Variants in METTL15 observed in about 807,000 individuals in gnomAD.
METTL15 encodes the protein methyltransferase 15, mitochondrial 12S rRNA N4-cytidine, also known as 12S rRNA N(4)-cytidine methyltransferase METTL15.
In METTL15, 34 loss-of-function variants were observed where a neutral mutation model predicts 38.3. That is an observed-to-expected ratio of 0.89 (90% CI 0.68 to 1.18). The LOEUF is 1.18. Ranked by LOEUF, METTL15 falls within the 50% of genes most tolerant of loss-of-function variation. The pLI is 0.00. For missense variants in METTL15, 438 were observed against 498.4 expected, an observed-to-expected ratio of 0.88 and a Z score of 1.15; for synonymous variants, 162 against 170.9, an observed-to-expected ratio of 0.95 and a Z score of 0.41.
chr11:28,397,682 G>C (rs889137490), intron 5 of METTL15, among the ~76,000 whole-genome samples: 2 of 152,142 alleles, frequency 1.3e-5, no homozygotes, highest in Admixed American at 6.6e-5. Flanking sequence ...TCAGTGTGGC[G>C]ATTCCTCAGG....
rs141223596 is a variant in METTL15, at chr11:28,268,253, A to G, written c.408-21953A>G. 4.6e-5 allele frequency among the ~76,000 whole-genome samples: 7 copies of G among 151,452 alleles called. No individual in the cohort carries two copies. In the East Asian group the frequency reaches 7.7e-4, roughly 17 times the overall value. On this transcript the variant is annotated intron_variant, in intron 4 of 6. Coordinates refer to ENST00000407364, the MANE Select transcript of METTL15 (RefSeq NM_001113528.2). ...ATATTTTCTATTTTAGTATAGAAATAATAATTGTATAATACTAGAATTTAA... is the reference window on the plus strand; with the variant it reads ...ATATTTTCTATTTTAGTATAGAAATGATAATTGTATAATACTAGAATTTAA...
downstream of METTL15, among the ~76,000 whole-genome samples, chr11:28,527,279 A>T (rs1435238935): frequency 6.6e-6 from 1 of 152,188 alleles, no homozygotes; most frequent in Non-Finnish European, 1.5e-5. Flanking sequence ...TTTTCTTATA[A>T]GGCACATTGG....
intron 5 of METTL15, among the ~76,000 whole-genome samples, chr11:28,376,566 C>T (rs184095473): frequency 3.3e-5 from 5 of 152,126 alleles, no homozygotes; most frequent in East Asian, 1.9e-4. Context: ...TGTCTCTGCA[C>T]GTGAGATGGG....
intron 4 of METTL15, among the ~76,000 whole-genome samples, chr11:28,357,573 C>T (rs1311371275): frequency 6.6e-6 from 1 of 152,154 alleles, no homozygotes; most frequent in Non-Finnish European, 1.5e-5. Flanking sequence ...TGTCAAATAA[C>T]CACAGTGATA....
chr11:28,373,397 T>G (rs938576740), intron 5 of METTL15, among the ~76,000 whole-genome samples: 4 of 152,094 alleles, frequency 2.6e-5, no homozygotes, highest in East Asian at 1.9e-4. Flanking sequence ...TTTCATGTGT[T>G]TTTTGGCTGC....
chr11:28,266,835 C>G (rs1855439382), intron 4 of METTL15, among the ~76,000 whole-genome samples: 1 of 152,098 alleles, frequency 6.6e-6, no homozygotes. Context: ...CTCCTTTATT[C>G]AAAACTCTGT....
chr11:28,431,789 T>A (rs1489513026), intron 6 of METTL15, among the ~76,000 whole-genome samples: 25 of 9,946 alleles, frequency 2.5e-3, no homozygotes, highest in East Asian at 0.011. Context: ...AAAAATAAAT[T>A]TAAAAAAAAA....
At chr11:28,118,607 C>T (rs1479737470) in intron 3 of METTL15, among the ~76,000 whole-genome samples, 1 of 151,954 alleles carries the variant, frequency 6.6e-6, no homozygotes, top group Non-Finnish European at 1.5e-5. Flanking sequence ...CTAAATTCTG[C>T]TTAGTTTAAG....
intron 3 of METTL15, chr11:28,134,466 G>T: frequency 2.5e-6 from 1 of 398,046 alleles, no homozygotes; most frequent in Non-Finnish European, 4.4e-6. Flanking sequence ...CACAAAACAT[G>T]GGTTGGAGGT....
At chr11:28,490,398 C>T (rs1435528735) in intron 6 of METTL15, among the ~76,000 whole-genome samples, 1 of 152,124 alleles carries the variant, frequency 6.6e-6, no homozygotes, top group Non-Finnish European at 1.5e-5. Context: ...TAATAATGCT[C>T]TCAGACTGGA....
At chr11:28,430,510 G>T (rs1328935423) in intron 6 of METTL15, among the ~76,000 whole-genome samples, 2 of 4,288 alleles carry the variant, frequency 4.7e-4, no homozygotes, top group East Asian at 8.2e-3. Context: ...GGGGGGGTCA[G>T]CCCCCCACCC....
At chr11:28,218,387 G>C (rs987345181) in intron 4 of METTL15, among the ~76,000 whole-genome samples, 7 of 152,154 alleles carry the variant, frequency 4.6e-5, no homozygotes, top group Non-Finnish European at 8.8e-5. Context: ...AAGAATGCTT[G>C]TGATTTTTGT....
chr11:28,400,895 A>G (rs533269288), intron 5 of METTL15, among the ~76,000 whole-genome samples: 2 of 152,124 alleles, frequency 1.3e-5, no homozygotes, highest in African/African-American at 4.8e-5. Flanking sequence ...AAAACACTGA[A>G]GAGCAGTGAC....
downstream of METTL15, among the ~76,000 whole-genome samples, chr11:28,335,641 T>C (rs1003157058): frequency 1.6e-4 from 25 of 152,160 alleles, no homozygotes; most frequent in African/African-American, 5.3e-4. Flanking sequence ...AATGGCTTAA[T>C]GCTGTCCTCA....
At chr11:28,353,335 T>G (rs546210378) in intron 4 of METTL15, among the ~76,000 whole-genome samples, 2 of 152,316 alleles carry the variant, frequency 1.3e-5, no homozygotes, top group African/African-American at 4.8e-5. Context: ...TTGAGAATAT[T>G]AATTTTGAAA....
chr11:28,203,138 G>A (rs1023476172), intron 3 of METTL15, among the ~76,000 whole-genome samples: 1 of 152,068 alleles, frequency 6.6e-6, no homozygotes, highest in African/African-American at 2.4e-5. Context: ...AGGTGGAACA[G>A]TATGTACAAT....
At chr11:28,260,196 A>C (rs1480563937) in intron 4 of METTL15, among the ~76,000 whole-genome samples, 1 of 152,156 alleles carries the variant, frequency 6.6e-6, no homozygotes, top group Non-Finnish European at 1.5e-5. Context: ...TATCAGTTTC[A>C]TTTCCATATC....
chr11:28,154,265 C>T (rs1322800288), intron 3 of METTL15, among the ~76,000 whole-genome samples: 1 of 152,102 alleles, frequency 6.6e-6, no homozygotes, highest in Non-Finnish European at 1.5e-5. Context: ...CTTGGACAAG[C>T]CACTTGATTT....
At chr11:28,445,424 A>G (rs1238463297) in intron 6 of METTL15, among the ~76,000 whole-genome samples, 1 of 152,100 alleles carries the variant, frequency 6.6e-6, no homozygotes, top group Non-Finnish European at 1.5e-5. Context: ...TGGTATAGTT[A>G]TGAAATTCAG....
Sources: gnomAD v4.1 joint callset for allele counts (sites outside exome capture counted in the v4.1 genomes callset) on GRCh38, gnomAD v4.1.1 for gene constraint, MANE v1.5 for transcripts, NCBI Gene and HGNC (gene_info 2026-07-23, HGNC 2026-07-21) for gene names.